Variants in SP3 observed in about 807,000 individuals in gnomAD.
SP3 encodes transcription factor Sp3.
Under a neutral mutation model 70.3 loss-of-function variants are expected in SP3, and 10 were observed. The observed-to-expected ratio is 0.14, with a 90% CI of 0.09 to 0.24. SP3 has a LOEUF of 0.24. SP3 is among the 10% of genes least tolerant of loss of function. The probability of loss-of-function intolerance (pLI) is 1.00; values close to 1 mark genes in which losing one functional copy is unlikely to be tolerated. For synonymous variants in SP3, 402 were observed against 333.5 expected (o/e 1.21, Z -2.24); for missense variants, 825 against 914.6 (o/e 0.90, Z 1.26).
chr2:173,910,030 T>C lies in SP3; in HGVS notation c.2257A>G (p.Thr753Ala). 1 of 1,613,874 alleles carries C rather than the reference T, an allele frequency of 6.2e-7. No homozygotes were observed. Among genetic ancestry groups the C allele is most frequent in the Non-Finnish European group, 8.5e-7 (1 of 1,179,846 alleles). Residue 753 changes from threonine to alanine, a missense_variant, in exon 7 of 7, where the codon ACT (threonine) becomes GCT (alanine). Coordinates refer to ENST00000310015, the MANE Select transcript of SP3 (RefSeq NM_003111.5). ...ATATCTTGATTGCTGGTGGCGGAAG[T>C]ATTAACAGTTCCTATCCCTGAAACA... ...GSVSGIGTVN[T>A]SATSNQDILT...
At position 173,937,367 on chromosome 2, in the gene SP3, T is replaced by C. The variant is rs983920719; in HGVS notation, c.1639+17506A>G. Among the ~76,000 whole-genome samples the C allele has an allele frequency of 2.6e-5, 4 of 152,330 alleles. No individual in the cohort carries two copies. The East Asian group carries it at 7.7e-4, about 29-fold the overall frequency. On this transcript the variant is annotated intron_variant, in intron 4 of 6. Coordinates refer to ENST00000310015, the MANE Select transcript of SP3 (RefSeq NM_003111.5). ...CCTTCTTCATTAACACAAGAGATAATGCAGGGAAATAGCCTAAACAGTCAA... is the reference window on the plus strand; with the variant it reads ...CCTTCTTCATTAACACAAGAGATAACGCAGGGAAATAGCCTAAACAGTCAA...
chr2:173,955,139 G>A lies in SP3; in HGVS notation c.1373C>T (p.Ser458Phe), dbSNP rs1231444443. Reference protein sequence around the residue: ...FLIQAQTVTPSGQVTWQTFQV... With the variant: ...FLIQAQTVTPFGQVTWQTFQV... ...AAACGTTTGCCAAGTTACCTGTCCA[G>A]AAGGGGTCACTGTCTGTGCCTGAAT... The change falls in exon 4 of 7, where the codon TCT (serine) becomes TTT (phenylalanine). Residue 458 changes from serine to phenylalanine, a missense_variant. Around this residue, in one of 4 missense-constraint regions of SP3, gnomAD observed 678 missense variants for 651.6 expected, o/e 1.04. Transcript: ENST00000310015. The A allele has an allele frequency of 1.9e-6, 3 of 1,614,218 alleles. No homozygotes were observed. Among genetic ancestry groups the A allele is most frequent in the East Asian group, 2.2e-5 (1 of 44,882 alleles).
At chr2:173,954,142 T>C (rs1690803869) in intron 4 of SP3, among the ~76,000 whole-genome samples, 1 of 152,186 alleles carries the variant, frequency 6.6e-6, no homozygotes, top group Non-Finnish European at 1.5e-5. Context: ...CAACAAAACA[T>C]TCAATCAAAT....
intron 6 of SP3, among the ~76,000 whole-genome samples, chr2:173,910,773 A>G (rs1689456767): frequency 2.0e-5 from 3 of 152,362 alleles, no homozygotes; most frequent in African/African-American, 7.2e-5. Flanking sequence ...ATCCTTAGAA[A>G]AATGAATCTG....
intron 5 of SP3, chr2:173,915,571 G>T (rs1689601130): frequency 6.6e-6 from 1 of 152,118 alleles, no homozygotes; most frequent in Non-Finnish European, 1.5e-5. Flanking sequence ...AAGCTAAACT[G>T]TGGGTAGAGG....
chr2:173,942,094 TCTA>T (rs1690387180), intron 4 of SP3, among the ~76,000 whole-genome samples: 1 of 152,206 alleles, frequency 6.6e-6, no homozygotes, highest in South Asian at 2.1e-4. Flanking sequence ...ATATTCTTTC[TCTA>T]CTAAGTTAGA....
chr2:173,940,681 CTAA>C (rs1238330061), intron 4 of SP3, among the ~76,000 whole-genome samples: 1 of 152,196 alleles, frequency 6.6e-6, no homozygotes, highest in Non-Finnish European at 1.5e-5. Flanking sequence ...CACAACTGTG[CTAA>C]TTATTCAAGC....
At chr2:173,930,674 T>C (rs1690043534) in intron 4 of SP3, among the ~76,000 whole-genome samples, 1 of 152,246 alleles carries the variant, frequency 6.6e-6, no homozygotes, top group African/African-American at 2.4e-5. Context: ...ATAATAATAT[T>C]GTTCTCTGCA....
In SP3 at chr2:173,903,705, A is replaced by G. The variant is rs774743165; in HGVS notation, c.*6236T>C. 6.6e-6 allele frequency among the ~76,000 whole-genome samples: 1 copy of G among 152,216 alleles called. No individual in the cohort carries two copies. The highest frequency in any genetic ancestry group is 1.5e-5 in the Non-Finnish European group (1 of 68,026). On this transcript the variant is annotated 3_prime_UTR_variant, in exon 7 of 7. Transcript: ENST00000310015. ...AATGCTGGCAGAAAGTCAGTATTCC[A>G]CAAGACCAACCACAGATAAAGATAC...
intron 3 of SP3, among the ~76,000 whole-genome samples, chr2:173,956,838 G>C (rs571241442): frequency 1.3e-5 from 2 of 152,230 alleles, no homozygotes; most frequent in African/African-American, 4.8e-5. Flanking sequence ...TGACAACGTA[G>C]CCCCATTTGA....
At chr2:173,935,978 T>A (rs1297244919) in intron 4 of SP3, among the ~76,000 whole-genome samples, 2 of 151,350 alleles carry the variant, frequency 1.3e-5, no homozygotes, top group African/African-American at 4.8e-5. Flanking sequence ...TCTTCCTTCC[T>A]TCCTTACTTT....
At chr2:173,941,902 C>T (rs1690381617) in intron 4 of SP3, among the ~76,000 whole-genome samples, 1 of 152,106 alleles carries the variant, frequency 6.6e-6, no homozygotes, top group Non-Finnish European at 1.5e-5. Flanking sequence ...GCTTGTATTC[C>T]CTAGACCACA....
chr2:173,947,521 A>G (rs1391585157), intron 4 of SP3, among the ~76,000 whole-genome samples: 1 of 152,072 alleles, frequency 6.6e-6, no homozygotes, highest in Non-Finnish European at 1.5e-5. Flanking sequence ...CTTAGAATCA[A>G]TGAAATGGGT....
Position 173,910,247 on chromosome 2 carries a change from T to C in SP3, c.2040A>G (p.Lys680=), listed in dbSNP as rs2105451872. Residue 680 remains lysine, a synonymous_variant, in exon 7 of 7, where the codon AAA becomes AAG. Coordinates refer to ENST00000310015, the MANE Select transcript of SP3 (RefSeq NM_003111.5). The stretch of plus-strand genomic sequence containing the variant: ...GTTTTGAACATTCTGGACAAACAAA[T>C]TTCTTCTCACCTGTTAAGAAAAAAA... ...RHRRTHTGEK[K]FVCPECSKRF... The C allele has an allele frequency of 6.2e-7, 1 of 1,613,650 alleles. No individual in the cohort carries two copies. Among genetic ancestry groups the C allele is most frequent in the Non-Finnish European group, 8.5e-7 (1 of 1,179,734 alleles).
Position 173,937,851 on chromosome 2 carries a change from T to C in SP3, c.1639+17022A>G, listed in dbSNP as rs576254243. Among the ~76,000 whole-genome samples, 31 of 152,294 alleles carry C rather than the reference T, an allele frequency of 2.0e-4. No individual in the cohort carries two copies. In the South Asian group the frequency reaches 6.4e-3, roughly 32 times the overall value. Reference sequence around the variant, plus strand: ...ACCTCATTTTGAAACAAATCCGAGATATAACATTTCATCTGCAAATATTTC... The same window carrying C: ...ACCTCATTTTGAAACAAATCCGAGACATAACATTTCATCTGCAAATATTTC... On this transcript the variant is annotated intron_variant, in intron 4 of 6. Transcript: ENST00000310015.
intron 3 of SP3, among the ~76,000 whole-genome samples, chr2:173,956,633 A>G (rs1200045060): frequency 3.9e-5 from 6 of 152,352 alleles, no homozygotes; most frequent in African/African-American, 1.4e-4. Context: ...TCCGACTTAG[A>G]AAAGATTTAT....
intron 3 of SP3, among the ~76,000 whole-genome samples, chr2:173,959,272 G>A (rs1455257114): frequency 2.0e-5 from 3 of 150,452 alleles, no homozygotes; most frequent in Non-Finnish European, 4.4e-5. Flanking sequence ...AATTTCATCA[G>A]CAATATACCA....
At chr2:173,945,395 G>A (rs973329300) in intron 4 of SP3, among the ~76,000 whole-genome samples, 16 of 152,188 alleles carry the variant, frequency 1.1e-4, no homozygotes, top group African/African-American at 3.9e-4. Flanking sequence ...AAAAAGTCTA[G>A]TAAGAACTTA....
chr2:173,908,117 G>A lies in SP3; in HGVS notation c.*1824C>T, dbSNP rs762207842. On this transcript the variant is annotated 3_prime_UTR_variant, in exon 7 of 7. Transcript: ENST00000310015. The stretch of plus-strand genomic sequence containing the variant: ...ATGATGAAACACATGCAAATTCAAA[G>A]GCAACTTTTTCAAGTAACTCCTGCC... 3.3e-5 allele frequency: 5 copies of A among 151,636 alleles called. No individual in the cohort carries two copies. The highest frequency in any genetic ancestry group is 1.2e-4 in the African/African-American group (5 of 41,254). 9.4% of individuals were successfully genotyped at this position (151,636 alleles called of 1,614,324 possible).
Sources: gnomAD v4.1 joint callset for allele counts (sites outside exome capture counted in the v4.1 genomes callset) on GRCh38, gnomAD v4.1.1 for gene constraint, gnomAD v4.1.1 regional missense constraint, MANE v1.5 for transcripts, NCBI Gene and HGNC (gene_info 2026-07-23, HGNC 2026-07-21) for gene names.